RAB28: variants seen among roughly 807,000 people sequenced by gnomAD.
RAB28 encodes RAB28, member RAS oncogene family, also known as ras-related protein Rab-28.
RAB28 carries 24 observed loss-of-function variants against 31.7 expected under a neutral mutation model. The observed-to-expected ratio is 0.76, with a 90% confidence interval of 0.55 to 1.06. The LOEUF is 1.06. Among genes scored for constraint, RAB28 ranks in the 50% least tolerant of loss-of-function variants. RAB28 has a pLI of 0.00. For missense variants in RAB28, 254 were observed against 258.5 expected, an observed-to-expected ratio of 0.98 and a Z score of 0.12; for synonymous variants, 100 against 90.4, an observed-to-expected ratio of 1.11 and a Z score of -0.60.
At chr4:13,408,826 A>T (rs1035891553) in intron 4 of RAB28, among the ~76,000 whole-genome samples, 7 of 152,182 alleles carry the variant, frequency 4.6e-5, no homozygotes, top group Non-Finnish European at 1.0e-4. Flanking sequence ...ATAATTAAAG[A>T]ATAATTCCCA....
intron 6 of RAB28, among the ~76,000 whole-genome samples, chr4:13,373,755 T>C (rs1728808997): frequency 1.3e-5 from 2 of 152,300 alleles, no homozygotes; most frequent in East Asian, 3.9e-4. Context: ...AAAACCTCAC[T>C]GTAAATATTT....
At chr4:13,419,274 G>C (rs1712976501) in intron 4 of RAB28, among the ~76,000 whole-genome samples, 1 of 152,096 alleles carries the variant, frequency 6.6e-6, no homozygotes, top group African/African-American at 2.4e-5. Flanking sequence ...CCTAGAAAGA[G>C]ACTTAGACTA....
chr4:13,408,415 A>G (rs1712226881), intron 4 of RAB28, among the ~76,000 whole-genome samples: 1 of 152,170 alleles, frequency 6.6e-6, no homozygotes, highest in African/African-American at 2.4e-5. Context: ...TTGCTTTGCC[A>G]GTATCTTATC....
At chr4:13,429,856 C>T (rs1047142920) in intron 4 of RAB28, among the ~76,000 whole-genome samples, 5 of 152,204 alleles carry the variant, frequency 3.3e-5, no homozygotes, top group African/African-American at 9.6e-5. Flanking sequence ...GAGAACCATA[C>T]TTCCTGATTT....
At chr4:13,464,759 T>C (rs1230746629) in intron 3 of RAB28, among the ~76,000 whole-genome samples, 1 of 152,062 alleles carries the variant, frequency 6.6e-6, no homozygotes, top group Non-Finnish European at 1.5e-5. Flanking sequence ...ACTCAGTATA[T>C]CATGTCCAGC....
At chr4:13,457,228 C>T (rs1715345820) in intron 4 of RAB28, among the ~76,000 whole-genome samples, 1 of 152,080 alleles carries the variant, frequency 6.6e-6, no homozygotes, top group Admixed American at 6.5e-5. Flanking sequence ...TTGCCTTTAA[C>T]CAGTGTGAAA....
At chr4:13,458,150 A>G (rs2108957868) in intron 4 of RAB28, among the ~76,000 whole-genome samples, 1 of 152,298 alleles carries the variant, frequency 6.6e-6, no homozygotes, top group Non-Finnish European at 1.5e-5. Context: ...GCAAAATTTA[A>G]CTAAAGCTTT....
At chr4:13,431,204 C>T (rs113333438) in intron 4 of RAB28, among the ~76,000 whole-genome samples, 3 of 152,192 alleles carry the variant, frequency 2.0e-5, no homozygotes, top group African/African-American at 7.2e-5. Context: ...GCTCTGCCTC[C>T]TCAGCCCCAT....
chr4:13,383,798 G>A (rs967888530), intron 4 of RAB28, among the ~76,000 whole-genome samples: 7 of 152,312 alleles, frequency 4.6e-5, no homozygotes, highest in South Asian at 2.1e-4. Flanking sequence ...CATGTAAGGC[G>A]TGCCTGTGCT....
chr4:13,407,373 T>C (rs912057413), intron 4 of RAB28, among the ~76,000 whole-genome samples: 2 of 152,210 alleles, frequency 1.3e-5, no homozygotes, highest in African/African-American at 4.8e-5. Context: ...TGTATATCTG[T>C]TTTGGTACCA....
At chr4:13,398,242 A>C (rs1256229226) in intron 4 of RAB28, among the ~76,000 whole-genome samples, 2 of 152,184 alleles carry the variant, frequency 1.3e-5, no homozygotes, top group African/African-American at 4.8e-5. Flanking sequence ...GAACTGGAAA[A>C]TTAATAAACT....
At chr4:13,468,130 C>T (rs1715950111) in intron 3 of RAB28, among the ~76,000 whole-genome samples, 1 of 151,922 alleles carries the variant, frequency 6.6e-6, no homozygotes, top group South Asian at 2.1e-4. Context: ...ACTGACAGAA[C>T]TGCAAGGAGT....
At chr4:13,382,401 A>C (rs1168691379) in intron 4 of RAB28, among the ~76,000 whole-genome samples, 1 of 152,120 alleles carries the variant, frequency 6.6e-6, no homozygotes, top group Non-Finnish European at 1.5e-5. Flanking sequence ...ATTTAAGGAC[A>C]ACTAGGCTCT....
intron 4 of RAB28, among the ~76,000 whole-genome samples, chr4:13,393,932 A>G (rs1452414502): frequency 1.3e-5 from 2 of 152,034 alleles, no homozygotes; most frequent in African/African-American, 4.8e-5. Context: ...TTAAATAAAT[A>G]TGACCACCTA....
chr4:13,415,889 A>C (rs1484859556), intron 4 of RAB28, among the ~76,000 whole-genome samples: 1 of 152,172 alleles, frequency 6.6e-6, no homozygotes, highest in East Asian at 1.9e-4. Flanking sequence ...TAGCTAGGGG[A>C]TTGTAAATAC....
intron 4 of RAB28, among the ~76,000 whole-genome samples, chr4:13,383,776 C>T (rs1729239604): frequency 6.6e-6 from 1 of 152,248 alleles, no homozygotes; most frequent in Admixed American, 6.5e-5. Flanking sequence ...CACATGCCAT[C>T]TTGCCTGACG....
chr4:13,439,163 G>A (rs1260758921), intron 4 of RAB28, among the ~76,000 whole-genome samples: 2 of 152,004 alleles, frequency 1.3e-5, no homozygotes, highest in Non-Finnish European at 2.9e-5. Flanking sequence ...TTTTCTATAC[G>A]ATATTATACT....
intron 4 of RAB28, among the ~76,000 whole-genome samples, chr4:13,392,553 A>C (rs953046521): frequency 1.7e-4 from 26 of 152,168 alleles, no homozygotes; most frequent in African/African-American, 6.3e-4. Context: ...AAGTAGTGCA[A>C]AGTGATAAAG....
chr4:13,431,645 T>G (rs1713811447), intron 4 of RAB28, among the ~76,000 whole-genome samples: 1 of 151,968 alleles, frequency 6.6e-6, no homozygotes, highest in Non-Finnish European at 1.5e-5. Flanking sequence ...AAGCAGCATC[T>G]GAGAAAGCCA....
Sources: allele counts gnomAD v4.1 joint callset (sites outside exome capture counted in the v4.1 genomes callset), GRCh38; gene constraint gnomAD v4.1.1; transcripts MANE v1.5; gene names NCBI Gene and HGNC (gene_info 2026-07-23, HGNC 2026-07-21).